JAKMIP3: variants seen among roughly 807,000 people sequenced by gnomAD.
JAKMIP3 encodes the protein Janus kinase and microtubule interacting protein 3.
JAKMIP3 carries 58 observed loss-of-function variants against 118.5 expected under a neutral mutation model. That is an observed-to-expected ratio of 0.49 (90% confidence interval 0.40 to 0.61). The LOEUF is 0.61. Among genes scored for constraint, JAKMIP3 ranks in the 20% least tolerant of loss-of-function variants. The pLI, the probability that JAKMIP3 is intolerant of heterozygous loss-of-function variation, is 0.00. For synonymous variants in JAKMIP3, 486 were observed against 451.2 expected, an observed-to-expected ratio of 1.08 and a Z score of -0.98; for missense variants, 950 against 1,109.0, an observed-to-expected ratio of 0.86 and a Z score of 2.04.
chr10:132,152,897 C>T (rs1260777508), intron 16 of JAKMIP3, 61 bp from the exon 17 acceptor site: 13 of 1,365,010 alleles, frequency 9.5e-6, no homozygotes, highest in Non-Finnish European at 1.2e-5. Context: ...GCATCCATCA[C>T]TCACCCTCAC....
chr10:132,154,346 G>A (rs1189594591), intron 19 of JAKMIP3, among the ~76,000 whole-genome samples: 2 of 152,228 alleles, frequency 1.3e-5, no homozygotes, highest in African/African-American at 2.4e-5. Flanking sequence ...CTTCCCCTGA[G>A]GAACTGGAGA....
At chr10:132,100,751 A>AT (rs2044734942) in intron 1 of JAKMIP3, among the ~76,000 whole-genome samples, 1 of 152,044 alleles carries the variant, frequency 6.6e-6, no homozygotes, top group Non-Finnish European at 1.5e-5. Flanking sequence ...TCATTTTAGG[A>AT]TGCGAGGCGA....
At chr10:132,109,315 T>G (rs2046476596) in intron 2 of JAKMIP3, among the ~76,000 whole-genome samples, 1 of 152,026 alleles carries the variant, frequency 6.6e-6, no homozygotes, top group Admixed American at 6.6e-5. Flanking sequence ...AACAAAAATT[T>G]TTTTAATTAA....
chr10:132,090,144 C>T (rs954729191), intron 1 of JAKMIP3, among the ~76,000 whole-genome samples: 6 of 152,160 alleles, frequency 3.9e-5, no homozygotes, highest in Non-Finnish European at 8.8e-5. Context: ...CATCAATGTT[C>T]GTCAGGGATA....
chr10:132,150,786 C>T lies in JAKMIP3; in HGVS notation c.2007+745C>T, dbSNP rs933610605. On this transcript the variant is annotated intron_variant, in intron 16 of 23. Coordinates refer to ENST00000684848, the MANE Select transcript of JAKMIP3 (RefSeq NM_001323087.2). ...CCATAATCCATGTATCCGTCCTCCACAATTCATTTATCCATCCTCCATAAT... is the reference window on the plus strand; with the variant it reads ...CCATAATCCATGTATCCGTCCTCCATAATTCATTTATCCATCCTCCATAAT... 5.1e-5 allele frequency among the ~76,000 whole-genome samples: 7 copies of T among 137,774 alleles called. 1 individual carries two copies. The highest frequency in any genetic ancestry group is 4.2e-4 in the Admixed American group (6 of 14,356). The allele number at this position is 137,774 out of a possible 152,430, so 90.4% of individuals were successfully genotyped here. A position where few individuals can be genotyped will look rare whatever the true frequency, so the allele number is the denominator to read the frequency against.
Position 132,133,299 on chromosome 10 carries a change from G to A in JAKMIP3, c.634-13G>A, listed in dbSNP as rs554260945. On this transcript the variant is annotated splice_polypyrimidine_tract_variant and intron_variant, in intron 3 of 23. Coordinates refer to ENST00000684848, the MANE Select transcript of JAKMIP3 (RefSeq NM_001323087.2). ...CCTGCCGCCTGTGTGATTGTGTTCT[G>A]TTCTCCTTGTAGATGGAGGAGATAA... 24 of 1,557,762 alleles carry A rather than the reference G, an allele frequency of 1.5e-5. No individual in the cohort carries two copies. In the East Asian group the frequency reaches 5.0e-4, roughly 32 times the overall value.
intron 1 of JAKMIP3, among the ~76,000 whole-genome samples, chr10:132,055,782 G>A (rs1032437915): frequency 5.9e-5 from 9 of 152,144 alleles, no homozygotes; most frequent in Admixed American, 2.0e-4. Context: ...GCCTCCCCCG[G>A]GGTTTGTGTC....
At chr10:132,100,316 G>A (rs2044647349) in intron 1 of JAKMIP3, among the ~76,000 whole-genome samples, 1 of 152,202 alleles carries the variant, frequency 6.6e-6, no homozygotes, top group Non-Finnish European at 1.5e-5. Context: ...CTTGGCATGA[G>A]CCGGCTGGAC....
intron 1 of JAKMIP3, among the ~76,000 whole-genome samples, chr10:132,042,473 G>A (rs1208678786): frequency 2.0e-5 from 3 of 152,176 alleles, no homozygotes; most frequent in Admixed American, 6.5e-5. Flanking sequence ...CTCCCAAAAT[G>A]TTGGGATTCC....
intron 3 of JAKMIP3, among the ~76,000 whole-genome samples, chr10:132,129,571 G>A (rs981950479): frequency 1.3e-5 from 2 of 152,152 alleles, no homozygotes; most frequent in African/African-American, 2.4e-5. Context: ...TCTGCAGCTC[G>A]GGCTCTGTTT....
intron 1 of JAKMIP3, among the ~76,000 whole-genome samples, chr10:132,100,886 C>T (rs1014068029): frequency 3.3e-5 from 5 of 152,000 alleles, no homozygotes; most frequent in African/African-American, 1.2e-4. Flanking sequence ...TGCTCCTGGG[C>T]GGGAAGGAAG....
At chr10:132,159,773 G>GT (rs2057770144) in intron 19 of JAKMIP3, among the ~76,000 whole-genome samples, 1 of 51,100 alleles carries the variant, frequency 2.0e-5, no homozygotes, top group Non-Finnish European at 3.5e-5. Context: ...TGATACTGGG[G>GT]GGTCTCTTCC....
intron 1 of JAKMIP3, among the ~76,000 whole-genome samples, chr10:132,037,147 C>T (rs2037535523): frequency 6.6e-6 from 1 of 152,360 alleles, no homozygotes; most frequent in Non-Finnish European, 1.5e-5. Context: ...TCAGGGATGG[C>T]CAGCGTGGCC....
At chr10:132,096,708 C>G (rs1187753452) in intron 1 of JAKMIP3, among the ~76,000 whole-genome samples, 2 of 152,018 alleles carry the variant, frequency 1.3e-5, no homozygotes, top group Non-Finnish European at 2.9e-5. Context: ...TTTCCCTGCT[C>G]CCCCATTAGT....
intron 3 of JAKMIP3, among the ~76,000 whole-genome samples, chr10:132,131,934 T>A (rs532320079): frequency 5.3e-5 from 8 of 152,276 alleles, no homozygotes; most frequent in African/African-American, 1.9e-4. Flanking sequence ...TGCCTGCTGC[T>A]GGAAACAGCC....
chr10:132,041,122 C>T (rs2037731907), intron 1 of JAKMIP3, among the ~76,000 whole-genome samples: 1 of 152,102 alleles, frequency 6.6e-6, no homozygotes, highest in African/African-American at 2.4e-5. Context: ...GTGGTGTGAT[C>T]TCAGCTCACT....
At chr10:132,108,928 C>CGCAAATGTATATATAAATTATATAT (rs2046334626) in intron 2 of JAKMIP3, among the ~76,000 whole-genome samples, 7 of 148,228 alleles carry the variant, frequency 4.7e-5, no homozygotes, top group South Asian at 2.1e-4. Flanking sequence ...AAATTATATA[C>CGCAAATGTATATATAAATTATATAT]GCAAATGTAT....
intron 19 of JAKMIP3, among the ~76,000 whole-genome samples, chr10:132,159,774 G>GCAT (rs1452908333): frequency 1.3e-4 from 2 of 15,332 alleles, no homozygotes; most frequent in Non-Finnish European, 2.3e-4. Flanking sequence ...GATACTGGGG[G>GCAT]GTCTCTTCCT....
chr10:132,104,975 G>GTCCC (rs2045682847), intron 2 of JAKMIP3, 32 bp downstream of exon 2: 1 of 1,566,488 alleles, frequency 6.4e-7, no homozygotes, highest in Non-Finnish European at 8.7e-7. Flanking sequence ...ACCCTTGAAT[G>GTCCC]TCCCTCCCTC....
Sources: allele counts gnomAD v4.1 joint callset (sites outside exome capture counted in the v4.1 genomes callset), GRCh38; gene constraint gnomAD v4.1.1; transcripts MANE v1.5; gene names NCBI Gene and HGNC (gene_info 2026-07-23, HGNC 2026-07-21).